ZNF773: variants seen among roughly 807,000 people sequenced by gnomAD.
ZNF773 encodes the protein zinc finger protein 419B.
Under a neutral mutation model 12.8 loss-of-function variants are expected in ZNF773, and 11 were observed. That is an observed-to-expected ratio of 0.86 (90% confidence interval 0.54 to 1.42). The LOEUF (loss-of-function observed/expected upper bound fraction) is 1.42, where lower values mean the gene tolerates loss of function less well. Among genes scored for constraint, ZNF773 ranks in the 40% most tolerant of loss-of-function variants. The probability of loss-of-function intolerance (pLI) is 0.00; values close to 1 mark genes in which losing one functional copy is unlikely to be tolerated. For synonymous variants in ZNF773, 175 were observed against 178.4 expected, an observed-to-expected ratio of 0.98 and a Z score of 0.15; for missense variants, 518 against 527.2, an observed-to-expected ratio of 0.98 and a Z score of 0.17.
chr19:57,505,472 G>C, intron 3 of ZNF773, 72 bp downstream of exon 3: 7 of 1,536,606 alleles, frequency 4.6e-6, no homozygotes, highest in Non-Finnish European at 9.0e-7. Context: ...AGTCTTTCCA[G>C]TGGGCCCAGA....
chr19:57,502,882 G>C (rs1361389409), intron 1 of ZNF773, among the ~76,000 whole-genome samples: 1 of 152,010 alleles, frequency 6.6e-6, no homozygotes. Flanking sequence ...TAGTAGAGAT[G>C]GGGTTTCACC....
chr19:57,516,618 C>T (rs2089833772), downstream of ZNF773: 1 of 152,174 alleles, frequency 6.6e-6, no homozygotes, highest in South Asian at 2.1e-4. Flanking sequence ...CTTGAGTTAC[C>T]ATGGAAAAAT....
chr19:57,513,218 G>A (rs1232535869), downstream of ZNF773: 9 of 816,896 alleles, frequency 1.1e-5, no homozygotes, highest in East Asian at 2.1e-4. Flanking sequence ...GGCAGAATTT[G>A]TCTGCTGAAG....
chr19:57,509,553 G>C (rs1237690320), downstream of ZNF773, among the ~76,000 whole-genome samples: 1 of 152,226 alleles, frequency 6.6e-6, no homozygotes, highest in Admixed American at 6.5e-5. Flanking sequence ...AAAGTAAAGA[G>C]ATGCTCACAG....
chr19:57,513,334 C>T (rs905857008), downstream of ZNF773: 2 of 300,830 alleles, frequency 6.6e-6, no homozygotes, highest in Admixed American at 1.0e-4. Flanking sequence ...ACGCATAACC[C>T]ATGGTTTCCA....
chr19:57,510,593 C>T (rs2123279546), downstream of ZNF773, among the ~76,000 whole-genome samples: 1 of 152,040 alleles, frequency 6.6e-6, no homozygotes, highest in African/African-American at 2.4e-5. Flanking sequence ...ATTGAAAATT[C>T]TAAATTGTCT....
At chr19:57,503,001 T>C (rs1198665442) in intron 1 of ZNF773, among the ~76,000 whole-genome samples, 1 of 152,146 alleles carries the variant, frequency 6.6e-6, no homozygotes, top group Non-Finnish European at 1.5e-5. Context: ...AGAGTCTGTG[T>C]TTTTTAAGTA....
chr19:57,500,655 T>C (rs1471857502), intron 1 of ZNF773, among the ~76,000 whole-genome samples: 1 of 132,642 alleles, frequency 7.5e-6, no homozygotes, highest in East Asian at 2.0e-4. Context: ...GATGTGACTG[T>C]GAAAGAAAGT....
chr19:57,503,219 G>A (rs1398351871), intron 1 of ZNF773, among the ~76,000 whole-genome samples: 1 of 152,154 alleles, frequency 6.6e-6, no homozygotes, highest in Non-Finnish European at 1.5e-5. Context: ...TGATACAGTT[G>A]GTGTATGGAC....
chr19:57,511,046 A>ATT (rs2089790000), downstream of ZNF773, among the ~76,000 whole-genome samples: 3 of 140,496 alleles, frequency 2.1e-5, no homozygotes, highest in African/African-American at 7.8e-5. Flanking sequence ...ATTTTATTTT[A>ATT]TTTTATTTAT....
chr19:57,506,980 AATCCACACTGG>A lies in ZNF773; in HGVS notation c.887_897del (p.Ile296SerfsTer5), dbSNP rs2089744765. The A allele has an allele frequency of 6.2e-7, 1 of 1,614,196 alleles. No individual in the cohort carries two copies. The highest frequency in any genetic ancestry group is 2.2e-5 in the East Asian group (1 of 44,878). On this transcript the variant is annotated frameshift_variant, in exon 4 of 4. Transcript: ENST00000282292. LOFTEE classifies it low-confidence loss of function (END_TRUNC). ...ATTCCACACTTGTTCAGCATCACAG[AATCCACACTGG>A]AGTAAGGCCTTATGAGTGCAGTGAA... is the stretch of plus-strand genomic sequence containing the variant.
rs959999872 is a variant in ZNF773, at chr19:57,507,850, G to A, written c.*426G>A. Reference sequence around the variant, plus strand: ...TTACTGGGCATGGTGGTGGGCGCCTGTAGTCCCAGCTACTCAGGAGGCTGA... The same window carrying A: ...TTACTGGGCATGGTGGTGGGCGCCTATAGTCCCAGCTACTCAGGAGGCTGA... On this transcript the variant is annotated 3_prime_UTR_variant, in exon 4 of 4. Transcript: ENST00000282292. The A allele has an allele frequency of 1.5e-5, 5 of 332,066 alleles. No homozygotes were observed. The highest frequency in any genetic ancestry group is 5.4e-5 in the Admixed American group (1 of 18,422). The allele number at this position is 332,066 out of a possible 1,614,324, so 20.6% of individuals were successfully genotyped here. A position where few individuals can be genotyped will look rare whatever the true frequency, so the allele number is the denominator to read the frequency against.
intron 1 of ZNF773, among the ~76,000 whole-genome samples, chr19:57,502,472 T>G (rs1438602987): frequency 6.6e-6 from 1 of 152,164 alleles, no homozygotes; most frequent in Non-Finnish European, 1.5e-5. Flanking sequence ...GTTTGTTTGT[T>G]TTTTCCTGGA....
chr19:57,509,914 AAG>A (rs2089781827), downstream of ZNF773, among the ~76,000 whole-genome samples: 1 of 152,222 alleles, frequency 6.6e-6, no homozygotes, highest in Non-Finnish European at 1.5e-5. Flanking sequence ...CTCTTCCAAA[AAG>A]AGAAAAGTTC....
chr19:57,515,125 G>A (rs1392168891), downstream of ZNF773: 1 of 152,146 alleles, frequency 6.6e-6, no homozygotes. Context: ...GTCACATTGA[G>A]ACTGCCACTA....
Position 57,508,140 on chromosome 19 carries a change from CAAAAA to C in ZNF773, c.*730_*734del, listed in dbSNP as rs758753374. 1.0e-5 allele frequency: 8 copies of C among 784,728 alleles called. No homozygotes were observed. Among genetic ancestry groups the C allele is most frequent in the African/African-American group, 3.6e-5 (1 of 27,728 alleles). 48.6% of individuals were successfully genotyped at this position (784,728 alleles called of 1,614,324 possible). A position where few individuals can be genotyped will look rare whatever the true frequency, so the allele number is the denominator to read the frequency against. On this transcript the variant is annotated 3_prime_UTR_variant, in exon 4 of 4. Coordinates refer to ENST00000282292, the MANE Select transcript of ZNF773 (RefSeq NM_198542.3). ...TGGGTGACAGAGTGAGACTTCGTCT[CAAAAA>C]AAAAAAAAAAAAACAAAAAAAACCC...
chr19:57,506,783 C>G lies in ZNF773; in HGVS notation c.688C>G (p.His230Asp), dbSNP rs747976980. The G allele has an allele frequency of 2.2e-5, 35 of 1,614,056 alleles. No homozygotes were observed. The highest frequency in any genetic ancestry group is 2.7e-5 in the Non-Finnish European group (32 of 1,180,048). ...CAGTGAATGTGGGAAGTTATTTAGC[C>G]ATAAGTCCAACCTTTTTATACACCA... Reference protein sequence around the residue: ...ECSECGKLFSHKSNLFIHQIV... With the variant: ...ECSECGKLFSDKSNLFIHQIV... Residue 230 changes from histidine to aspartate, a missense_variant, in exon 4 of 4, where the codon CAT (histidine) becomes GAT (aspartate). Transcript: ENST00000282292.
chr19:57,505,571 G>T (rs1005298743), intron 3 of ZNF773, among the ~76,000 whole-genome samples, 171 bp downstream of exon 3: 1 of 152,034 alleles, frequency 6.6e-6, no homozygotes, highest in Admixed American at 6.6e-5. Flanking sequence ...AGTTGACCCA[G>T]GGCCATTCCC....
chr19:57,507,524 A>C lies in ZNF773; in HGVS notation c.*100A>C. On this transcript the variant is annotated 3_prime_UTR_variant, in exon 4 of 4. Transcript: ENST00000282292. ...GGTTACTAATGGAAATCCATTAGCT[A>C]TACCTCCAAACTCATTCAACACTGG... The C allele has an allele frequency of 2.0e-6, 3 of 1,478,376 alleles. No homozygotes were observed. The African/African-American group carries it at 4.3e-5, about 21-fold the overall frequency. 91.6% of individuals were successfully genotyped at this position (1,478,376 alleles called of 1,614,324 possible).
Sources: gnomAD v4.1 joint callset for allele counts (sites outside exome capture counted in the v4.1 genomes callset) on GRCh38, gnomAD v4.1.1 for gene constraint, MANE v1.5 for transcripts, NCBI Gene and HGNC (gene_info 2026-07-23, HGNC 2026-07-21) for gene names.